Variants in PLXNA3 observed in about 807,000 individuals in gnomAD.
PLXNA3 encodes plexin-A3.
PLXNA3 carries 52 observed loss-of-function variants against 118.8 expected under a neutral mutation model. The observed-to-expected ratio is 0.44, with a 90% confidence interval of 0.35 to 0.55. The LOEUF is 0.55. Among genes scored for constraint, PLXNA3 ranks in the 20% least tolerant of loss-of-function variants. PLXNA3 has a pLI of 0.01. For synonymous variants in PLXNA3, 925 were observed against 762.4 expected (o/e 1.21, Z -3.51); for missense variants, 1,660 against 1,730.8 (o/e 0.96, Z 0.73).
In PLXNA3 at chrX:154,466,020, G is replaced by A. The variant is rs782167149; in HGVS notation, c.2618G>A (p.Gly873Asp). 2.5e-6 allele frequency: 3 copies of A among 1,210,569 alleles called. No individual in the cohort carries two copies. In the South Asian group the frequency reaches 5.3e-5, roughly 21 times the overall value. The change falls in exon 14 of 33, where the codon GGC becomes GAC. Residue 873 changes from glycine to aspartate, a missense_variant. Physicochemically the swap from Gly to Asp is moderately conservative, Grantham distance 94 (BLOSUM62 -1). Coordinates refer to ENST00000369682, the MANE Select transcript of PLXNA3 (RefSeq NM_017514.5). ...CTGGGCCTCTTGTCCCGAGAGGTGG[G>A]CCTGCGGGTGGCTGGCGTGCGTTGC... Reference protein sequence around the residue: ...ENLGLLSREVGLRVAGVRCNS... With the variant: ...ENLGLLSREVDLRVAGVRCNS...
At chrX:154,463,112 C>T in intron 4 of PLXNA3, among the ~76,000 whole-genome samples, 1 of 111,462 alleles carries the variant, frequency 9.0e-6, no homozygotes, top group Non-Finnish European at 1.9e-5. Context: ...CAACCATCGC[C>T]ACTACCTCAT....
rs2069237683 is a variant in PLXNA3, at chrX:154,476,549, A to G, written c.*3864A>G. The G allele has an allele frequency of 9.0e-6, 1 of 111,549 alleles. No individual in the cohort carries two copies. The highest frequency in any genetic ancestry group is 3.7e-4 in the South Asian group (1 of 2,696). 9.2% of individuals were successfully genotyped at this position (111,549 alleles called of 1,213,427 possible). A position where few individuals can be genotyped will look rare whatever the true frequency, so the allele number is the denominator to read the frequency against. On this transcript the variant is annotated 3_prime_UTR_variant, in exon 33 of 33. Coordinates refer to ENST00000369682, the MANE Select transcript of PLXNA3 (RefSeq NM_017514.5). ...ATATTAAGAAAGGAAGAAAGGAATG[A>G]GAGCAAAAGAGAGGGAGAGAGGAAA...
chrX:154,471,081 C>T (rs782169495), intron 30 of PLXNA3, 24 bp from the exon 31 acceptor site: 26 of 1,188,033 alleles, frequency 2.2e-5, no homozygotes, highest in South Asian at 2.0e-4. Context: ...GAGCCTCAGG[C>T]GCACGTCCCT....
rs782180056 is a variant in PLXNA3 at position 154,467,044 on chromosome X, G to A, written c.3108-13G>A. 8.4e-7 allele frequency: 1 copy of A among 1,196,247 alleles called. No individual in the cohort carries two copies. Among genetic ancestry groups the A allele is most frequent in the Non-Finnish European group, 1.1e-6 (1 of 882,206 alleles). Reference sequence around the variant, plus strand: ...CTGGAGGAGGGAGCCTGAGGCCCCTGCCCTGTCCCTAGTGGAAGCACTGCC... The same window carrying A: ...CTGGAGGAGGGAGCCTGAGGCCCCTACCCTGTCCCTAGTGGAAGCACTGCC... On this transcript the variant is annotated splice_polypyrimidine_tract_variant and intron_variant, in intron 17 of 32. Transcript: ENST00000369682.
Position 154,468,323 on chromosome X carries a change from G to C in PLXNA3, c.3984G>C (p.Lys1328Asn). ...KELDTPPNVE[K>N]ALRLFGQLLH... The stretch of plus-strand genomic sequence containing the variant: ...CACAGACGCCACCCAACGTGGAGAA[G>C]GCCCTGCGCCTCTTCGGGCAGCTGC... The change falls in exon 23 of 33, where the codon AAG becomes AAC. Residue 1328 changes from lysine to asparagine, a missense_variant. Physicochemically the swap from Lys to Asn is moderately conservative, Grantham distance 94. Around this residue, in one of 2 missense-constraint regions of PLXNA3, gnomAD observed 869 missense variants for 1,078.7 expected, o/e 0.81. Coordinates refer to ENST00000369682, the MANE Select transcript of PLXNA3 (RefSeq NM_017514.5). 8.3e-7 allele frequency: 1 copy of C among 1,205,957 alleles called. No individual in the cohort carries two copies. Among genetic ancestry groups the C allele is most frequent in the Non-Finnish European group, 1.1e-6 (1 of 892,202 alleles).
intron 3 of PLXNA3, 81 bp from the exon 4 acceptor site, chrX:154,462,047 C>T (rs2068977697): frequency 2.3e-6 from 2 of 856,913 alleles, no homozygotes; most frequent in South Asian, 2.5e-5. Context: ...ATCCCGCTCT[C>T]TTCTGGGACA....
Position 154,467,215 on chromosome X carries a change from C to T in PLXNA3, c.3202-17C>T, listed in dbSNP as rs376790931. On this transcript the variant is annotated splice_polypyrimidine_tract_variant and intron_variant, in intron 18 of 32. Transcript: ENST00000369682. ...CCATGGCTTCACGTGCCTGGCTGTC[C>T]ACCTTTGTCCCCACAGACATGCCAA... 1 of 1,208,914 alleles carries T rather than the reference C, an allele frequency of 8.3e-7. No individual in the cohort carries two copies. Among genetic ancestry groups the T allele is most frequent in the African/African-American group, 1.7e-5 (1 of 57,519 alleles).
Position 154,461,549 on chromosome X carries a change from A to G in PLXNA3, c.1045A>G (p.Ile349Val), listed in dbSNP as rs782237057. 1 of 1,209,603 alleles carries G rather than the reference A, an allele frequency of 8.3e-7. No homozygotes were observed. Among genetic ancestry groups the G allele is most frequent in the East Asian group, 3.0e-5 (1 of 33,833 alleles). Residue 349 changes from isoleucine to valine, a missense_variant, in exon 3 of 33, where the codon ATC becomes GTC. Around this residue, in one of 2 missense-constraint regions of PLXNA3, gnomAD observed 791 missense variants for 652.1 expected, o/e 1.21. Coordinates refer to ENST00000369682, the MANE Select transcript of PLXNA3 (RefSeq NM_017514.5). Reference protein sequence around the residue: ...LFTLSNINAHIRRRIQSCYRG... With the variant: ...LFTLSNINAHVRRRIQSCYRG... The stretch of plus-strand genomic sequence containing the variant: ...CACCCTCAGCAACATCAATGCCCAC[A>G]TCCGGCGCCGCATCCAGTCCTGCTA...
At chrX:154,461,702 G>T (rs1326921158) in intron 3 of PLXNA3, 64 bp downstream of exon 3, 26 of 1,044,365 alleles carry the variant, frequency 2.5e-5, no homozygotes, top group Non-Finnish European at 3.1e-5. Flanking sequence ...GCCCAGCGTG[G>T]GCTCACGGCC....
intron 32 of PLXNA3, among the ~76,000 whole-genome samples, chrX:154,472,187 G>A (rs1319659907): frequency 9.0e-6 from 1 of 111,494 alleles, no homozygotes; most frequent in Non-Finnish European, 1.9e-5. Context: ...ACCCCTCACA[G>A]GTCAGGGAGT....
chrX:154,471,041 C>T (rs1188021142), intron 30 of PLXNA3, 64 bp from the exon 31 acceptor site: 2 of 956,770 alleles, frequency 2.1e-6, no homozygotes, highest in African/African-American at 3.8e-5. Flanking sequence ...GAGATGTGCA[C>T]ATGGGAGGGG....
chrX:154,459,789 CCTCCCT>C (rs1420621202), intron 1 of PLXNA3, among the ~76,000 whole-genome samples: 6 of 113,061 alleles, frequency 5.3e-5, no homozygotes, highest in African/African-American at 1.9e-4. Context: ...TCTGTGCCTG[CCTCCCT>C]CTCCCCTCAG....
chrX:154,466,583 C>T, intron 16 of PLXNA3, 40 bp from the exon 17 acceptor site: 2 of 1,189,802 alleles, frequency 1.7e-6, no homozygotes, highest in South Asian at 3.7e-5. Context: ...GGCTGAGGGC[C>T]CTGGGCCACC....
rs781974707 is a variant in PLXNA3, at chrX:154,460,588, C to G, written c.405C>G (p.His135Gln). ...ACCTCTTCAAGCTGGGTGAGCCGCA[C>G]CACCGCAAGGAGCACTACCTGTCGG... is the stretch of plus-strand genomic sequence containing the variant. ...LDDLFKLGEP[H>Q]HRKEHYLSGA... The change falls in exon 2 of 33, where the codon CAC becomes CAG. Residue 135 changes from histidine to glutamine, a missense_variant. Transcript: ENST00000369682. 2 of 1,203,431 alleles carry G rather than the reference C, an allele frequency of 1.7e-6. No individual in the cohort carries two copies. Among genetic ancestry groups the G allele is most frequent in the South Asian group, 1.8e-5 (1 of 55,855 alleles).
chrX:154,466,596 C>T (rs782047112), intron 16 of PLXNA3, 27 bp from the exon 17 acceptor site: 9 of 1,195,755 alleles, frequency 7.5e-6, no homozygotes, highest in Non-Finnish European at 1.0e-5. Context: ...GGGCCACCCG[C>T]TCCAAGCACC....
chrX:154,468,813 C>T lies in PLXNA3; in HGVS notation c.4288-10C>T, dbSNP rs782532532. The T allele has an allele frequency of 3.5e-5, 42 of 1,210,203 alleles. No individual in the cohort carries two copies. Among genetic ancestry groups the T allele is most frequent in the Non-Finnish European group, 4.7e-5 (42 of 895,312 alleles). ...CAGGCAGCCAGCTGTGCACCTGTCC[C>T]TGGCTGCAGGAGTGTGCTGGGGAGC... On this transcript the variant is annotated splice_polypyrimidine_tract_variant and intron_variant, in intron 24 of 32. Transcript: ENST00000369682.
At chrX:154,468,627 C>A (rs782099763) in intron 23 of PLXNA3, 36 bp from the exon 24 acceptor site, 29 of 1,208,156 alleles carry the variant, frequency 2.4e-5, no homozygotes, top group Non-Finnish European at 3.2e-5. Flanking sequence ...CCAAGCCCCA[C>A]CCCTGCCAGG....
chrX:154,462,861 G>A (rs2069000121), intron 4 of PLXNA3, among the ~76,000 whole-genome samples: 1 of 110,496 alleles, frequency 9.1e-6, no homozygotes, highest in Admixed American at 9.6e-5. Context: ...AGGAGTCGGG[G>A]GACTGCAGTG....
intron 4 of PLXNA3, among the ~76,000 whole-genome samples, chrX:154,462,857 C>T (rs782195118): frequency 1.1e-4 from 12 of 110,079 alleles, no homozygotes; most frequent in African/African-American, 1.0e-4. Context: ...AGGTAGGAGT[C>T]GGGGGACTGC....
Sources: gnomAD v4.1 joint callset for allele counts (sites outside exome capture counted in the v4.1 genomes callset) on GRCh38, gnomAD v4.1.1 for gene constraint, gnomAD v4.1.1 regional missense constraint, MANE v1.5 for transcripts, NCBI Gene and HGNC (gene_info 2026-07-23, HGNC 2026-07-21) for gene names.